The following LAMC2 variants were observed in gnomAD, a reference collection of about 807,000 sequenced individuals.
LAMC2 encodes laminin subunit gamma 2.
A neutral mutation model predicts 140.2 loss-of-function variants in LAMC2; 97 were observed. That is an observed-to-expected ratio of 0.69 (90% CI 0.59 to 0.82). The LOEUF (loss-of-function observed/expected upper bound fraction) is 0.82, where lower values mean the gene tolerates loss of function less well. Among genes scored for constraint, LAMC2 ranks in the 40% least tolerant of loss-of-function variants. The pLI, the probability that LAMC2 is intolerant of heterozygous loss-of-function variation, is 0.00. For synonymous variants in LAMC2, 513 were observed against 540.2 expected, an observed-to-expected ratio of 0.95 and a Z score of 0.70; for missense variants, 1,402 against 1,476.1, an observed-to-expected ratio of 0.95 and a Z score of 0.82.
Position 183,186,390 on chromosome 1 carries a change from C to G in LAMC2, c.38C>G (p.Ser13Trp), listed in dbSNP as rs773517261. The G allele has an allele frequency of 3.7e-6, 6 of 1,605,906 alleles. No individual in the cohort carries two copies. The South Asian group carries it at 5.5e-5, about 15-fold the overall frequency. The change falls in exon 1 of 23, where the codon TCG becomes TGG. Residue 13 changes from serine (S) to tryptophan (W), a missense_variant. Around this residue, in one of 3 missense-constraint regions of LAMC2, gnomAD observed 723 missense variants for 783.3 expected, o/e 0.92. Coordinates refer to ENST00000264144, the MANE Select transcript of LAMC2 (RefSeq NM_005562.3). ...TGGCTGGGCTGCTGCCTCTGCTTCT[C>G]GCTCCTCCTGCCCGCAGCCCGGGCC... ...ALWLGCCLCF[S>W]LLLPAARATS...
chr1:183,230,959 A>G lies in LAMC2; in HGVS notation c.1715-2A>G, dbSNP rs769983361. ...AATGCTCCATTTGTCTTTTGTCTCT[A>G]GCTTGCAACTGTAACCCCATGGGCT... On this transcript the variant is annotated splice_acceptor_variant, in intron 11 of 22. Transcript: ENST00000264144. LOFTEE classifies it high-confidence loss of function. 4.3e-6 allele frequency: 7 copies of G among 1,614,030 alleles called. No individual in the cohort carries two copies. In the East Asian group the frequency reaches 1.6e-4, roughly 36 times the overall value.
At chr1:183,208,198 C>A in intron 2 of LAMC2, 129 bp downstream of exon 2, 1 of 917,134 alleles carries the variant, frequency 1.1e-6, no homozygotes, top group Non-Finnish European at 1.8e-6. Flanking sequence ...GGAAAGCAAG[C>A]AGGCCAAGAG....
intron 3 of LAMC2, 151 bp downstream of exon 3, chr1:183,215,739 A>G (rs1659233397): frequency 8.5e-6 from 8 of 943,116 alleles, no homozygotes; most frequent in Non-Finnish European, 1.4e-5. Flanking sequence ...AATCCTCACA[A>G]TACCCCTAAG....
intron 1 of LAMC2, among the ~76,000 whole-genome samples, chr1:183,203,413 C>T (rs10494560): frequency 0.12 from 18,514 of 152,026 alleles, 1,122 homozygotes; most frequent in East Asian, 0.23. Context: ...TACATTACAC[C>T]GTTTTATTAA....
chr1:183,249,741 TA>T (rs1227934696), downstream of LAMC2: 1 of 89,672 alleles, frequency 1.1e-5, no homozygotes, highest in Non-Finnish European at 2.4e-5. Context: ...GTTTGGGGGG[TA>T]GGGGGTGCGG....
chr1:183,207,398 C>T (rs1023805117), intron 1 of LAMC2, among the ~76,000 whole-genome samples: 14 of 151,948 alleles, frequency 9.2e-5, no homozygotes, highest in Non-Finnish European at 1.9e-4. Flanking sequence ...TTTGCCTTGA[C>T]GGGCACCGGT....
chr1:183,223,033 C>A, intron 6 of LAMC2, 102 bp from the exon 7 acceptor site: 1 of 1,033,790 alleles, frequency 9.7e-7, no homozygotes, highest in Non-Finnish European at 1.5e-6. Flanking sequence ...GGCAGCATGA[C>A]ACAGGACTTC....
chr1:183,258,729 A>T, the LAMC2 span, among the ~76,000 whole-genome samples: 4 of 152,174 alleles, frequency 2.6e-5, no homozygotes, highest in South Asian at 4.2e-4. Flanking sequence ...TAGACCCTGC[A>T]CTTGATGGAC....
At chr1:183,187,491 A>G (rs548884090) in intron 1 of LAMC2, among the ~76,000 whole-genome samples, 10 of 137,664 alleles carry the variant, frequency 7.3e-5, no homozygotes, top group Non-Finnish European at 1.3e-4. Context: ...AAAACCATGT[A>G]TGATTGCCAC....
the LAMC2 span, chr1:183,252,533 G>C: frequency 1.2e-6 from 1 of 837,022 alleles, no homozygotes; most frequent in South Asian, 1.4e-5. Flanking sequence ...AAGTCAGCAA[G>C]TAGGGAAAAC....
intron 1 of LAMC2, among the ~76,000 whole-genome samples, chr1:183,193,315 G>T (rs672525): frequency 2.0e-5 from 3 of 151,976 alleles, no homozygotes; most frequent in Non-Finnish European, 4.4e-5. Context: ...GTTTAGGATC[G>T]TTGATAGTAC....
rs754703368 is a variant in LAMC2, at chr1:183,210,410, C to T, written c.268+2341C>T. Among the ~76,000 whole-genome samples the T allele has an allele frequency of 3.3e-4, 50 of 152,166 alleles. 1 individual carries two copies. Among genetic ancestry groups the T allele is most frequent in the Non-Finnish European group, 8.8e-5 (6 of 68,030 alleles). On this transcript the variant is annotated intron_variant, in intron 2 of 22. Transcript: ENST00000264144. Reference sequence around the variant, plus strand: ...GAGATAAAATGGTGTTTGACAAGCACATGGCGGGCAACTCAGTAAATTGTG... The same window carrying T: ...GAGATAAAATGGTGTTTGACAAGCATATGGCGGGCAACTCAGTAAATTGTG...
intron 21 of LAMC2, 35 bp from the exon 22 acceptor site, chr1:183,240,257 C>A: frequency 6.2e-7 from 1 of 1,614,146 alleles, no homozygotes. Flanking sequence ...TGGAAAATAC[C>A]TTTTCAAGGC....
Position 183,243,161 on chromosome 1 carries a change from G to A in LAMC2, c.3343G>A (p.Val1115Ile). The change falls in exon 23 of 23, where the codon GTA (valine) becomes ATA (isoleucine). Residue 1115 changes from valine (V) to isoleucine (I), a missense_variant. Val to Ile is a conservative substitution (Grantham distance 29, BLOSUM62 3). Coordinates refer to ENST00000264144, the MANE Select transcript of LAMC2 (RefSeq NM_005562.3). ...LLHLMDQPLS[V>I]DEEGLVLLEQ... is the part of the protein sequence containing the mutation. Reference sequence around the variant, plus strand: ...CCTTGAAATAGACCAGCCTCTCAGTGTAGATGAAGAGGGGCTGGTCTTACT... The same window carrying A: ...CCTTGAAATAGACCAGCCTCTCAGTATAGATGAAGAGGGGCTGGTCTTACT... The A allele has an allele frequency of 6.2e-7, 1 of 1,613,602 alleles. No individual in the cohort carries two copies. The highest frequency in any genetic ancestry group is 8.5e-7 in the Non-Finnish European group (1 of 1,179,854).
chr1:183,198,189 T>G (rs1658584830), intron 1 of LAMC2, among the ~76,000 whole-genome samples: 1 of 150,286 alleles, frequency 6.7e-6, no homozygotes, highest in African/African-American at 2.5e-5. Flanking sequence ...GTCGCCAGGC[T>G]GGAGTGCAGT....
intron 5 of LAMC2, 32 bp from the exon 6 acceptor site, chr1:183,222,057 T>C: frequency 3.1e-6 from 5 of 1,614,076 alleles, no homozygotes; most frequent in Non-Finnish European, 4.2e-6. Flanking sequence ...TGAGGGCTTG[T>C]CCAATGCAGA....
chr1:183,228,599 A>G lies in LAMC2; in HGVS notation c.1694A>G (p.Asn565Ser), dbSNP rs777103980. 1.9e-6 allele frequency: 3 copies of G among 1,613,896 alleles called. No homozygotes were observed. Among genetic ancestry groups the G allele is most frequent in the Non-Finnish European group, 2.5e-6 (3 of 1,180,002 alleles). Residue 565 changes from asparagine (N) to serine (S), a missense_variant, in exon 11 of 23, where the codon AAC (asparagine) becomes AGC (serine). Around this residue, in one of 3 missense-constraint regions of LAMC2, gnomAD observed 723 missense variants for 783.3 expected, o/e 0.92. Transcript: ENST00000264144. This position sits in a 1 kb window ranked among gnomAD's most constrained non-coding sequence, Gnocchi z 4.3. The part of the protein sequence containing the change: ...AGYFGDPLAP[N>S]PADKCRACNC... ...TACTTCGGGGACCCATTGGCTCCCA[A>G]CCCAGCAGACAAGTGTCGAGGTAGG...
At chr1:183,226,590 C>T (rs765228098) in intron 8 of LAMC2, 108 bp from the exon 9 acceptor site, 1 of 942,866 alleles carries the variant, frequency 1.1e-6, no homozygotes, top group Non-Finnish European at 1.7e-6. Context: ...ATATGAACAC[C>T]ACCTGTCTTT....
chr1:183,246,949 T>C (rs902926752), downstream of LAMC2, among the ~76,000 whole-genome samples: 1 of 152,260 alleles, frequency 6.6e-6, no homozygotes, highest in African/African-American at 2.4e-5. Flanking sequence ...TGTGCACATA[T>C]GTTAATTCAT....
Sources: gnomAD v4.1 joint callset for allele counts (sites outside exome capture counted in the v4.1 genomes callset) on GRCh38, gnomAD v4.1.1 for gene constraint, gnomAD v4.1.1 regional missense constraint, Gnocchi (gnomAD v3.1) non-coding constraint, MANE v1.5 for transcripts, NCBI Gene and HGNC (gene_info 2026-07-23, HGNC 2026-07-21) for gene names.